Variants in C6orf120 observed in about 807,000 individuals in gnomAD.
C6orf120 encodes chromosome 6 open reading frame 120.
For missense variants in C6orf120, 311 were observed against 264.2 expected, an observed-to-expected ratio of 1.18 and a Z score of -1.23; for synonymous variants, 165 against 123.1, an observed-to-expected ratio of 1.34 and a Z score of -2.25.
At chr6:169,705,058 G>A (rs1010882359), downstream of C6orf120, 14 of 1,128,684 alleles carry the variant, frequency 1.2e-5, no homozygotes, top group African/African-American at 4.7e-5. Context: ...TCATGATAGC[G>A]TTTATGCAGC....
exon 1 of C6orf120, chr6:169,702,239 C>G: frequency 1.4e-6 from 1 of 693,402 alleles, no homozygotes; most frequent in South Asian, 1.5e-5. Flanking sequence ...CTGCCCCTGC[C>G]CCTGCCCTGA....
chr6:169,703,256 C>T (rs1490273297), exon 1 of C6orf120: 2 of 600,898 alleles, frequency 3.3e-6, no homozygotes, highest in Non-Finnish European at 6.0e-6. Context: ...AAGGACTGTG[C>T]ACAAAGTGTT....
exon 1 of C6orf120, chr6:169,702,476 G>A: frequency 6.4e-7 from 1 of 1,563,564 alleles, no homozygotes; most frequent in Non-Finnish European, 8.7e-7. Flanking sequence ...GCTCCCCGCG[G>A]GAGGGCCGCG....
exon 1 of C6orf120, chr6:169,702,990 G>A (rs1278623960): frequency 1.9e-6 from 3 of 1,585,692 alleles, no homozygotes; most frequent in South Asian, 2.3e-5. Flanking sequence ...TTCTCTGGAC[G>A]ATATTAATTA....
chr6:169,706,121 T>A (rs1342932396), downstream of C6orf120, among the ~76,000 whole-genome samples: 2 of 152,216 alleles, frequency 1.3e-5, no homozygotes, highest in African/African-American at 4.8e-5. Context: ...ATAGCTCATA[T>A]ATTAATTTTG....
chr6:169,702,516 A>G (rs781271685), exon 1 of C6orf120: 7 of 1,608,096 alleles, frequency 4.4e-6, no homozygotes, highest in Non-Finnish European at 5.9e-6. Context: ...TGCTGCTCCT[A>G]GCCTCGCAGG....
exon 1 of C6orf120, chr6:169,702,887 C>G (rs774036659): frequency 1.1e-5 from 17 of 1,611,922 alleles, no homozygotes; most frequent in Non-Finnish European, 1.4e-5. Context: ...GAGCAGCACC[C>G]GTTCGGCGAG....
At chr6:169,703,282 T>A in exon 1 of C6orf120, 2 of 539,842 alleles carry the variant, frequency 3.7e-6, no homozygotes, top group South Asian at 5.2e-5. Context: ...TCCATTTTCA[T>A]TAGGCAGGTT....
chr6:169,705,700 A>G (rs753283883), downstream of C6orf120: 4 of 1,583,666 alleles, frequency 2.5e-6, no homozygotes, highest in Non-Finnish European at 3.5e-6. Context: ...CAAATTCCAC[A>G]TATAGCATTT....
chr6:169,706,273 A>G (rs1198112439), downstream of C6orf120, among the ~76,000 whole-genome samples: 1 of 152,188 alleles, frequency 6.6e-6, no homozygotes, highest in African/African-American at 2.4e-5. Context: ...TCATGCATAC[A>G]TTGGCGTGTA....
At chr6:169,703,679 C>T (rs1788604937) in exon 1 of C6orf120, 1 of 323,572 alleles carries the variant, frequency 3.1e-6, no homozygotes, top group East Asian at 7.5e-5. Flanking sequence ...TCAGTGCTAC[C>T]TATGGTAGGC....
At chr6:169,705,106 A>AATT, downstream of C6orf120, 1 of 1,547,506 alleles carries the variant, frequency 6.5e-7, no homozygotes, top group South Asian at 1.2e-5. Context: ...ACCCAAAGAT[A>AATT]ATGTTTGCTC....
chr6:169,705,447 G>A (rs2128328524), downstream of C6orf120: 1 of 738,492 alleles, frequency 1.4e-6, no homozygotes, highest in Non-Finnish European at 2.3e-6. Context: ...AAAGAGAAAT[G>A]AATATACAAT....
At position 169,702,565 on chromosome 6, in the gene C6orf120, C is replaced by A; in HGVS notation, c.106C>A (p.Pro36Thr). The change falls in exon 1 of 1, where the codon CCC becomes ACC. Residue 36 changes from proline (P) to threonine (T), a missense_variant. Physicochemically the swap from Pro to Thr is conservative, Grantham distance 38 (BLOSUM62 -1). Coordinates refer to ENST00000332290, the Ensembl canonical transcript of C6orf120. ...AAGCTGCGCGGACGAGGAGGAGGTC[C>A]CCGAGGAGTGGGTGCTCCTGCACGT... is the stretch of plus-strand genomic sequence containing the variant. 7 of 1,612,946 alleles carry A rather than the reference C, an allele frequency of 4.3e-6. No individual in the cohort carries two copies. The South Asian group carries it at 7.7e-5, about 18-fold the overall frequency.
exon 1 of C6orf120, chr6:169,702,291 T>C (rs1788328399): frequency 3.0e-6 from 2 of 672,544 alleles, no homozygotes; most frequent in South Asian, 1.6e-5. Flanking sequence ...CCACCCCTCC[T>C]CCCCGGGGCC....
chr6:169,702,676 A>G, exon 1 of C6orf120: 5 of 1,613,490 alleles, frequency 3.1e-6, no homozygotes, highest in Non-Finnish European at 2.5e-6. Context: ...GCGCAGCCTC[A>G]AGGGAGATGC....
At chr6:169,703,805 T>TA in exon 1 of C6orf120, 2 of 549,030 alleles carry the variant, frequency 3.6e-6, no homozygotes, top group South Asian at 5.6e-5. Flanking sequence ...TGAGCCAAGG[T>TA]TACTATAAAA....
chr6:169,704,871 C>T (rs974770444), downstream of C6orf120: 3 of 345,594 alleles, frequency 8.7e-6, no homozygotes, highest in Admixed American at 4.8e-5. Context: ...TTTAGTATTT[C>T]AGTAGAAAAA....
At chr6:169,704,228 C>T (rs1788689925) in exon 1 of C6orf120, 1 of 578,336 alleles carries the variant, frequency 1.7e-6, no homozygotes, top group African/African-American at 2.0e-5. Context: ...CTATGAGTTC[C>T]TTAATTTAAG....
Sources: allele counts gnomAD v4.1 joint callset (sites outside exome capture counted in the v4.1 genomes callset), GRCh38; gene constraint gnomAD v4.1.1; transcripts MANE v1.5; gene names NCBI Gene and HGNC (gene_info 2026-07-23, HGNC 2026-07-21).